Variants in LPP observed in about 807,000 individuals in gnomAD.
LPP encodes the protein lipoma-preferred partner.
LPP carries 38 observed loss-of-function variants against 60.4 expected under a neutral mutation model. The observed-to-expected ratio is 0.63, with a 90% CI of 0.49 to 0.83. LPP has a LOEUF of 0.83. Ranked by LOEUF, LPP falls within the 40% of genes least tolerant of loss-of-function variation. The pLI, the probability that LPP is intolerant of heterozygous loss-of-function variation, is 0.00. For synonymous variants in LPP, 328 were observed against 290.8 expected (o/e 1.13, Z -1.30); for missense variants, 902 against 783.6 (o/e 1.15, Z -1.80).
chr3:188,798,769 G>A (rs887927865), intron 9 of LPP, among the ~76,000 whole-genome samples: 9 of 114,696 alleles, frequency 7.8e-5, no homozygotes, highest in African/African-American at 2.0e-4. Context: ...GGAAGCCCAC[G>A]CTGGGAAGAT....
chr3:188,174,472 C>T (rs1722507581), intron 1 of LPP, among the ~76,000 whole-genome samples: 1 of 152,216 alleles, frequency 6.6e-6, no homozygotes, highest in Non-Finnish European at 1.5e-5. Flanking sequence ...ACGCATGAGG[C>T]AGCAGGGAAG....
chr3:188,429,341 G>A lies in LPP; in HGVS notation c.193+23028G>A, dbSNP rs192681741. On this transcript the variant is annotated intron_variant, in intron 4 of 11. Coordinates refer to ENST00000617246, the MANE Select transcript of LPP (RefSeq NM_001375462.1). ...TAAAATGCCTAGGCACAAATTTAAT[G>A]AGATACATTGTTCTATATCCCAATA... Among the ~76,000 whole-genome samples the A allele has an allele frequency of 3.9e-5, 6 of 152,172 alleles. No individual in the cohort carries two copies. In the East Asian group the frequency reaches 7.7e-4, roughly 20 times the overall value.
chr3:188,328,542 A>G (rs1304430549), intron 2 of LPP, among the ~76,000 whole-genome samples: 1 of 152,168 alleles, frequency 6.6e-6, no homozygotes, highest in Non-Finnish European at 1.5e-5. Flanking sequence ...TGAAACGATA[A>G]GCTCTCTTGC....
intron 7 of LPP, among the ~76,000 whole-genome samples, chr3:188,623,648 T>C (rs1471176061): frequency 1.3e-5 from 2 of 152,222 alleles, no homozygotes; most frequent in South Asian, 2.1e-4. Flanking sequence ...CTCAAGTTTA[T>C]ACCCATTATA....
intron 6 of LPP, among the ~76,000 whole-genome samples, chr3:188,555,408 A>C (rs1466512145): frequency 1.3e-5 from 2 of 152,162 alleles, no homozygotes; most frequent in African/African-American, 4.8e-5. Context: ...AATCCAAACC[A>C]GAAGTGACAA....
In LPP at chr3:188,887,090, T is replaced by G; in HGVS notation, c.*12611T>G. Reference sequence around the variant, plus strand: ...TTTGTATGGTGCCTGCTGTGCTTTATCCCGAGGCATAGCAGTAATCGTTAC... The same window carrying G: ...TTTGTATGGTGCCTGCTGTGCTTTAGCCCGAGGCATAGCAGTAATCGTTAC... On this transcript the variant is annotated 3_prime_UTR_variant, in exon 12 of 12. Coordinates refer to ENST00000617246, the MANE Select transcript of LPP (RefSeq NM_001375462.1). The G allele has an allele frequency of 4.4e-6, 1 of 229,864 alleles. No individual in the cohort carries two copies. The highest frequency in any genetic ancestry group is 6.2e-5 in the East Asian group (1 of 16,132). The allele number at this position is 229,864 out of a possible 1,614,324, so 14.2% of individuals were successfully genotyped here. A position where few individuals can be genotyped will look rare whatever the true frequency, so the allele number is the denominator to read the frequency against.
At chr3:188,785,485 ATT>A (rs1451408257) in intron 9 of LPP, among the ~76,000 whole-genome samples, 1 of 27,842 alleles carries the variant, frequency 3.6e-5, no homozygotes, top group African/African-American at 1.4e-4. Context: ...ATATATATAT[ATT>A]CATCATATAT....
intron 3 of LPP, among the ~76,000 whole-genome samples, chr3:188,379,589 C>T (rs1029345729): frequency 1.2e-4 from 18 of 152,170 alleles, no homozygotes; most frequent in African/African-American, 3.1e-4. Flanking sequence ...CTCTTGCATC[C>T]GGTACTAAGC....
intron 4 of LPP, 39 bp downstream of exon 4, chr3:188,406,352 G>C: frequency 6.4e-7 from 1 of 1,567,196 alleles, no homozygotes; most frequent in Non-Finnish European, 8.8e-7. Context: ...CTTGGAGTAG[G>C]AAAATTCAGT....
intron 1 of LPP, among the ~76,000 whole-genome samples, chr3:188,206,190 T>G (rs1733158290): frequency 6.6e-6 from 1 of 152,162 alleles, no homozygotes. Context: ...TTTTTCATTT[T>G]TTCAAGGAAA....
chr3:188,200,327 G>A (rs985240998), intron 1 of LPP, among the ~76,000 whole-genome samples: 5 of 149,024 alleles, frequency 3.4e-5, no homozygotes, highest in South Asian at 4.2e-4. Context: ...GCGGCTCACC[G>A]CAACCTCTGC....
chr3:188,797,706 C>T (rs981804930), intron 9 of LPP, among the ~76,000 whole-genome samples: 3 of 152,174 alleles, frequency 2.0e-5, no homozygotes, highest in African/African-American at 7.2e-5. Context: ...ATTCCCTTTG[C>T]TCCCCAGTTA....
chr3:188,268,814 G>A (rs945640197), intron 2 of LPP, among the ~76,000 whole-genome samples: 3 of 152,114 alleles, frequency 2.0e-5, no homozygotes, highest in Non-Finnish European at 2.9e-5. Context: ...CTATTAACAG[G>A]TACTACCTAT....
At chr3:188,769,021 T>C (rs1057322152) in intron 9 of LPP, among the ~76,000 whole-genome samples, 3 of 152,120 alleles carry the variant, frequency 2.0e-5, no homozygotes, top group Non-Finnish European at 1.5e-5. Flanking sequence ...ATAATGAAAG[T>C]TTAGTAAGCT....
intron 8 of LPP, among the ~76,000 whole-genome samples, chr3:188,736,194 A>G (rs1000810664): frequency 3.3e-5 from 5 of 152,206 alleles, no homozygotes; most frequent in African/African-American, 1.2e-4. Flanking sequence ...ATAATAAAAC[A>G]TAAAGATCAA....
Position 188,825,265 on chromosome 3 carries a change from C to G in LPP, c.1411-40935C>G, listed in dbSNP as rs62292690. Among the ~76,000 whole-genome samples, 237 of 100,706 alleles carry G rather than the reference C, an allele frequency of 2.4e-3. 2 individuals are homozygous for G. The highest frequency in any genetic ancestry group is 8.5e-3 in the African/African-American group (226 of 26,712). The allele number at this position is 100,706 out of a possible 152,430, so 66.1% of individuals were successfully genotyped here. A position where few individuals can be genotyped will look rare whatever the true frequency, so the allele number is the denominator to read the frequency against. On this transcript the variant is annotated intron_variant, in intron 9 of 11. Transcript: ENST00000617246. ...CCTTTCTTTCTCTCTCTCTCTCTCT[C>G]TCTCTGTGTGTGTGTGTGTGTGTGT...
chr3:188,506,122 A>G (rs1813384112), intron 5 of LPP, among the ~76,000 whole-genome samples: 1 of 152,140 alleles, frequency 6.6e-6, no homozygotes, highest in South Asian at 2.1e-4. Flanking sequence ...GTGTCTGACA[A>G]CTGGATCATC....
chr3:188,592,557 G>GTTGTTGTTGTTTGTTTTTTTTTTTTTT (rs1553936334), intron 6 of LPP, among the ~76,000 whole-genome samples: 1 of 85,756 alleles, frequency 1.2e-5, no homozygotes, highest in Admixed American at 1.3e-4. Flanking sequence ...TTTTGTTTTT[G>GTTGTTGTTGTTTGTTTTTTTTTTTTTT]TTTTTTAAAT....
intron 9 of LPP, among the ~76,000 whole-genome samples, chr3:188,769,056 G>A (rs1735033739): frequency 6.6e-6 from 1 of 151,984 alleles, no homozygotes; most frequent in Admixed American, 6.6e-5. Flanking sequence ...GACAATTTTA[G>A]GTTTAGAATA....
Sources: gnomAD v4.1 joint callset for allele counts (sites outside exome capture counted in the v4.1 genomes callset) on GRCh38, gnomAD v4.1.1 for gene constraint, MANE v1.5 for transcripts, NCBI Gene and HGNC (gene_info 2026-07-23, HGNC 2026-07-21) for gene names.